Variants in HOMER3 observed in about 807,000 individuals in gnomAD.
The protein encoded by HOMER3 is homer scaffold protein 3.
Under a neutral mutation model 45.5 loss-of-function variants are expected in HOMER3, and 34 were observed. The observed-to-expected ratio is 0.75, with a 90% CI of 0.57 to 1.00. The LOEUF is 1.00. Ranked by LOEUF, HOMER3 falls within the 50% of genes least tolerant of loss-of-function variation. The probability of loss-of-function intolerance (pLI) is 0.00; values close to 1 mark genes in which losing one functional copy is unlikely to be tolerated. For synonymous variants in HOMER3, 223 were observed against 208.8 expected (o/e 1.07, Z -0.58); for missense variants, 480 against 497.5 (o/e 0.96, Z 0.33).
chr19:18,930,994 C>T (rs535731485), intron 9 of HOMER3, among the ~76,000 whole-genome samples: 4 of 151,900 alleles, frequency 2.6e-5, no homozygotes, highest in African/African-American at 7.2e-5. Context: ...GGCAACAGAG[C>T]GAGACTCCAT....
rs1226746130 is a variant in HOMER3, at chr19:18,929,332, G to C, written c.*111C>G. On this transcript the variant is annotated 3_prime_UTR_variant, in exon 10 of 10. Coordinates refer to ENST00000392351, the MANE Select transcript of HOMER3 (RefSeq NM_004838.4). ...GCCCAGCCCGGCCCGGCCCACCCAG[G>C]GCTAAGTTGGGACCCCCCAGTCCCT... is the stretch of plus-strand genomic sequence containing the variant. 7.7e-7 allele frequency: 1 copy of C among 1,290,716 alleles called. No homozygotes were observed. The highest frequency in any genetic ancestry group is 2.3e-5 in the East Asian group (1 of 43,418). The allele number at this position is 1,290,716 out of a possible 1,614,324, so 80.0% of individuals were successfully genotyped here. A position where few individuals can be genotyped will look rare whatever the true frequency, so the allele number is the denominator to read the frequency against.
At chr19:18,932,897 G>A (rs979577111) in intron 6 of HOMER3, 27 bp downstream of exon 6, 3 of 403,792 alleles carry the variant, frequency 7.4e-6, no homozygotes, top group Non-Finnish European at 1.1e-5. Context: ...CCCCGCCCCT[G>A]CCACGCCCCC....
intron 7 of HOMER3, 66 bp downstream of exon 7, chr19:18,931,910 C>G: frequency 6.9e-7 from 1 of 1,456,272 alleles, no homozygotes; most frequent in East Asian, 2.5e-5. Flanking sequence ...ATGGGAACTG[C>G]CGAGGCGCGG....
chr19:18,938,923 C>G, intron 2 of HOMER3, 39 bp from the exon 3 acceptor site: 1 of 1,608,010 alleles, frequency 6.2e-7, no homozygotes, highest in Non-Finnish European at 8.5e-7. Flanking sequence ...GCCAGGCACC[C>G]CCACTTAGAA....
intron 9 of HOMER3, 92 bp from the exon 10 acceptor site, chr19:18,929,726 T>G (rs2057009816): frequency 1.8e-6 from 2 of 1,135,060 alleles, no homozygotes; most frequent in Non-Finnish European, 2.4e-6. Context: ...ATGTCCCTCT[T>G]CTGCCCAGAG....
chr19:18,931,894 G>A lies in HOMER3; in HGVS notation c.690+82C>T, dbSNP rs560431485. On this transcript the variant is annotated intron_variant, in intron 7 of 9. Transcript: ENST00000392351. ...GTCACACAGCTAGTCCATGAACCCAGGGCAGATGGGAACTGCCGAGGCGCG... is the reference window on the plus strand; with the variant it reads ...GTCACACAGCTAGTCCATGAACCCAAGGCAGATGGGAACTGCCGAGGCGCG... 2.1e-6 allele frequency: 3 copies of A among 1,445,532 alleles called. No homozygotes were observed. The African/African-American group carries it at 4.3e-5, about 21-fold the overall frequency. The allele number at this position is 1,445,532 out of a possible 1,614,324, so 89.5% of individuals were successfully genotyped here.
intron 6 of HOMER3, 24 bp downstream of exon 6, chr19:18,932,900 A>T: frequency 4.0e-6 from 1 of 249,082 alleles, no homozygotes; most frequent in Non-Finnish European, 6.8e-6. Context: ...CGCCCCTGCC[A>T]CGCCCCCAAG....
Position 18,939,022 on chromosome 19 carries a change from A to C in HOMER3, c.-40T>G, listed in dbSNP as rs2057126763. On this transcript the variant is annotated 5_prime_UTR_variant, in exon 2 of 10. Transcript: ENST00000392351. ...TGGGCAGGCTCTAGGGGGCAGCCAG[A>C]GAGGTGGCAGGAGCACTGGTTTGGC... 1.3e-6 allele frequency: 2 copies of C among 1,541,422 alleles called. No homozygotes were observed. The highest frequency in any genetic ancestry group is 1.7e-6 in the Non-Finnish European group (2 of 1,144,712).
At chr19:18,936,502 A>C (rs1426464120) in intron 4 of HOMER3, among the ~76,000 whole-genome samples, 2 of 151,302 alleles carry the variant, frequency 1.3e-5, no homozygotes, top group African/African-American at 4.9e-5. Flanking sequence ...AAAAACAAAA[A>C]TTTTGTAAAA....
At chr19:18,940,233 T>G (rs968192006) in intron 1 of HOMER3, 3 of 151,976 alleles carry the variant, frequency 2.0e-5, no homozygotes, top group Admixed American at 2.0e-4. Flanking sequence ...CGGGTGGGAG[T>G]TGGGGAACAC....
intron 1 of HOMER3, chr19:18,940,360 T>A (rs2057142012): frequency 6.6e-6 from 1 of 152,188 alleles, no homozygotes; most frequent in African/African-American, 2.4e-5. Context: ...GCCACGGGGC[T>A]CCCGGAGGGG....
chr19:18,939,090 G>A, intron 1 of HOMER3, 41 bp from the exon 2 acceptor site: 1 of 1,112,012 alleles, frequency 9.0e-7, no homozygotes, highest in East Asian at 2.6e-5. Context: ...CTCAGGCCAG[G>A]CTGAGGGAGG....
At chr19:18,930,340 G>A (rs2057017684) in intron 9 of HOMER3, among the ~76,000 whole-genome samples, 1 of 147,864 alleles carries the variant, frequency 6.8e-6, no homozygotes, top group African/African-American at 2.5e-5. Context: ...AAGGTCAAGA[G>A]ATCGAGACTA....
Position 18,929,444 on chromosome 19 carries a change from CAG to C in HOMER3, c.1083_1084del (p.Ter362SerfsTer?), listed in dbSNP as rs759687928. The C allele has an allele frequency of 6.9e-6, 11 of 1,588,934 alleles. No individual in the cohort carries two copies. Among genetic ancestry groups the C allele is most frequent in the Admixed American group, 3.7e-5 (2 of 54,422 alleles). On this transcript the variant is annotated frameshift_variant and stop_lost, in exon 10 of 10. Transcript: ENST00000392351. LOFTEE classifies it high-confidence loss of function. ...CGTTCATAGAAAACCAGCCCCGGCT[CAG>C]GGCGCAGCCTCAGCCAGGCGGGCCA... is the stretch of plus-strand genomic sequence containing the variant.
intron 9 of HOMER3, among the ~76,000 whole-genome samples, chr19:18,930,338 G>C (rs150934509): frequency 1.4e-5 from 2 of 146,036 alleles, no homozygotes; most frequent in East Asian, 4.2e-4. Flanking sequence ...ATAAGGTCAA[G>C]AGATCGAGAC....
intron 1 of HOMER3, 183 bp downstream of exon 1, chr19:18,940,866 CCT>C (rs1228373894): frequency 1.3e-5 from 2 of 152,274 alleles, no homozygotes; most frequent in Admixed American, 1.3e-4. Flanking sequence ...CACGCAGTCC[CCT>C]CTCAGACCCT....
At position 18,929,343 on chromosome 19, in the gene HOMER3, G is replaced by A. The variant is rs764360483; in HGVS notation, c.*100C>T. The A allele has an allele frequency of 4.3e-6, 6 of 1,394,634 alleles. No homozygotes were observed. Among genetic ancestry groups the A allele is most frequent in the Non-Finnish European group, 5.0e-6 (5 of 994,668 alleles). 86.4% of individuals were successfully genotyped at this position (1,394,634 alleles called of 1,614,324 possible). ...CCCGGCCCACCCAGGGCTAAGTTGG[G>A]ACCCCCCAGTCCCTTTCCAGGACGA... On this transcript the variant is annotated 3_prime_UTR_variant, in exon 10 of 10. Coordinates refer to ENST00000392351, the MANE Select transcript of HOMER3 (RefSeq NM_004838.4).
chr19:18,932,861 ACCGCCTCCTCGTCCCCCACCCCTACCC>A, intron 6 of HOMER3, 36 bp downstream of exon 6: 1 of 1,254,114 alleles, frequency 8.0e-7, no homozygotes, highest in Non-Finnish European at 1.0e-6. Flanking sequence ...GCTTCCAAGA[ACCGCCTCCTCGTCCCCCACCCCTACCC>A]CCGCCCCTGC....
chr19:18,939,057 G>A lies in HOMER3; in HGVS notation c.-67-8C>T. 2 of 1,432,358 alleles carry A rather than the reference G, an allele frequency of 1.4e-6. No homozygotes were observed. Among genetic ancestry groups the A allele is most frequent in the Non-Finnish European group, 1.9e-6 (2 of 1,072,036 alleles). 88.7% of individuals were successfully genotyped at this position (1,432,358 alleles called of 1,614,324 possible). A position where few individuals can be genotyped will look rare whatever the true frequency, so the allele number is the denominator to read the frequency against. On this transcript the variant is annotated splice_polypyrimidine_tract_variant and splice_region_variant and intron_variant, in intron 1 of 9. Transcript: ENST00000392351. ...GGAGCACTGGTTTGGCCCCTAGGGAGAGAGGAGGGACTATGAGTGTCCCTC... is the reference window on the plus strand; with the variant it reads ...GGAGCACTGGTTTGGCCCCTAGGGAAAGAGGAGGGACTATGAGTGTCCCTC...
Sources: allele counts gnomAD v4.1 joint callset (sites outside exome capture counted in the v4.1 genomes callset), GRCh38; gene constraint gnomAD v4.1.1; transcripts MANE v1.5; gene names NCBI Gene and HGNC (gene_info 2026-07-23, HGNC 2026-07-21).